IL1RAP: variants seen among roughly 807,000 people sequenced by gnomAD.
IL1RAP encodes the protein interleukin 1 receptor accessory protein.
In IL1RAP, 35 loss-of-function variants were observed where a neutral mutation model predicts 60.7. The observed-to-expected ratio is 0.58, with a 90% confidence interval of 0.44 to 0.76. The LOEUF (loss-of-function observed/expected upper bound fraction) is 0.76, where lower values mean the gene tolerates loss of function less well. IL1RAP is among the 30% of genes least tolerant of loss of function. The pLI, the probability that IL1RAP is intolerant of heterozygous loss-of-function variation, is 0.00. For synonymous variants in IL1RAP, 268 were observed against 250.9 expected (o/e 1.07, Z -0.64); for missense variants, 572 against 693.9 (o/e 0.82, Z 1.97).
At chr3:190,533,105 G>C (rs1245527959) in intron 1 of IL1RAP, among the ~76,000 whole-genome samples, 1 of 152,164 alleles carries the variant, frequency 6.6e-6, no homozygotes, top group Non-Finnish European at 1.5e-5. Flanking sequence ...TGGAACTGCT[G>C]TATTGAATGC....
intron 3 of IL1RAP, among the ~76,000 whole-genome samples, chr3:190,586,411 G>A (rs1356792594): frequency 6.6e-6 from 1 of 152,192 alleles, no homozygotes; most frequent in Non-Finnish European, 1.5e-5. Flanking sequence ...TTGTGACCCA[G>A]ACAGAAGAGG....
chr3:190,637,160 A>C (rs1237811347), intron 9 of IL1RAP, among the ~76,000 whole-genome samples: 1 of 152,172 alleles, frequency 6.6e-6, no homozygotes, highest in Non-Finnish European at 1.5e-5. Context: ...TTGGCTTTAA[A>C]TAACTGTCTT....
rs747384866 is a variant in IL1RAP, at chr3:190,623,419, ATTACAGCTATGTC to A, written c.775+6_775+18del. On this transcript the variant is annotated splice_donor_5th_base_variant and intron_variant, in intron 7 of 11. Transcript: ENST00000447382. ...GTGGTCTATGAGAAAGAACCAGGTA[ATTACAGCTATGTC>A]TCTGAATTTCACTTAGATTCTCTTA... 1 of 1,593,490 alleles carries A rather than the reference ATTACAGCTATGTC, an allele frequency of 6.3e-7. No individual in the cohort carries two copies. The highest frequency in any genetic ancestry group is 8.6e-7 in the Non-Finnish European group (1 of 1,161,370).
At chr3:190,533,888 C>T (rs1279337256) in intron 1 of IL1RAP, among the ~76,000 whole-genome samples, 3 of 152,038 alleles carry the variant, frequency 2.0e-5, no homozygotes, top group Non-Finnish European at 4.4e-5. Flanking sequence ...CTTTGAGAGC[C>T]GTTTCTTCTT....
intron 1 of IL1RAP, among the ~76,000 whole-genome samples, chr3:190,533,963 T>TC (rs1226232677): frequency 6.6e-6 from 1 of 151,950 alleles, no homozygotes; most frequent in East Asian, 1.9e-4. Context: ...TTTTTTTTTT[T>TC]CTTCTATTTT....
chr3:190,530,354 C>T (rs1365410607), intron 1 of IL1RAP, among the ~76,000 whole-genome samples: 1 of 152,042 alleles, frequency 6.6e-6, no homozygotes, highest in African/African-American at 2.4e-5. Flanking sequence ...TTAGATCTGG[C>T]TTAGAGAGGG....
In IL1RAP at chr3:190,651,328, TA is replaced by T; in HGVS notation, c.*2629del. The T allele has an allele frequency of 1.1e-6, 1 of 919,708 alleles. No individual in the cohort carries two copies. The highest frequency in any genetic ancestry group is 1.3e-6 in the Non-Finnish European group (1 of 770,026). The allele number at this position is 919,708 out of a possible 1,614,324, so 57.0% of individuals were successfully genotyped here. A position where few individuals can be genotyped will look rare whatever the true frequency, so the allele number is the denominator to read the frequency against. On this transcript the variant is annotated 3_prime_UTR_variant, in exon 12 of 12. Coordinates refer to ENST00000447382, the MANE Select transcript of IL1RAP (RefSeq NM_002182.4). ...CTTAGATGATTCCCAAGGACTCTAA[TA>T]AAAAATCACTTCATTGTATTTGGAA...
In IL1RAP at chr3:190,583,069, G is replaced by A. The variant is rs140430194; in HGVS notation, c.64+18716G>A. On this transcript the variant is annotated intron_variant, in intron 3 of 11. Transcript: ENST00000447382. ...CCTGCCCTAATCAGCGACCTCTCAG[G>A]CTAAGTAAGATCCCTGTTAATATAT... 3.6e-3 allele frequency among the ~76,000 whole-genome samples: 550 copies of A among 152,244 alleles called. 3 individuals are homozygous for A. The highest frequency in any genetic ancestry group is 0.013 in the African/African-American group (533 of 41,544).
chr3:190,571,348 CA>C (rs200098646), intron 3 of IL1RAP, among the ~76,000 whole-genome samples: 5 of 146,172 alleles, frequency 3.4e-5, no homozygotes, highest in Admixed American at 1.4e-4. Flanking sequence ...CCTGACTCCA[CA>C]AAAAAAAAAT....
intron 5 of IL1RAP, among the ~76,000 whole-genome samples, chr3:190,610,532 A>G (rs1311366320): frequency 6.6e-6 from 1 of 152,094 alleles, no homozygotes; most frequent in African/African-American, 2.4e-5. Context: ...AATGACAAAT[A>G]CAATAAGAAA....
intron 1 of IL1RAP, among the ~76,000 whole-genome samples, chr3:190,542,977 T>C (rs1438491941): frequency 1.3e-5 from 2 of 148,694 alleles, no homozygotes; most frequent in African/African-American, 2.5e-5. Flanking sequence ...AAATCAGACA[T>C]GTGAATCCAA....
intron 1 of IL1RAP, among the ~76,000 whole-genome samples, chr3:190,531,642 G>A (rs1173414989): frequency 6.6e-6 from 1 of 152,132 alleles, no homozygotes; most frequent in Non-Finnish European, 1.5e-5. Flanking sequence ...CACTTGTCTT[G>A]ACTTATGTAA....
chr3:190,626,921 C>T (rs575027847), intron 7 of IL1RAP, among the ~76,000 whole-genome samples: 25 of 152,058 alleles, frequency 1.6e-4, no homozygotes, highest in South Asian at 2.1e-4. Context: ...CCACCTGCCT[C>T]GGCCTCCCAA....
At chr3:190,561,406 A>T (rs936342308) in intron 2 of IL1RAP, among the ~76,000 whole-genome samples, 4 of 152,112 alleles carry the variant, frequency 2.6e-5, no homozygotes, top group Non-Finnish European at 5.9e-5. Context: ...ACAGGGCAGG[A>T]CTGGCCCTGG....
chr3:190,534,930 A>G (rs73886469), intron 1 of IL1RAP, among the ~76,000 whole-genome samples: 18,952 of 149,070 alleles, frequency 0.13, 1,906 homozygotes, highest in East Asian at 0.35. Context: ...AAAAAAAAAA[A>G]AAAAGAAAAC....
chr3:190,636,517 C>T (rs1243084179), intron 9 of IL1RAP, among the ~76,000 whole-genome samples: 1 of 150,308 alleles, frequency 6.7e-6, no homozygotes, highest in Non-Finnish European at 1.5e-5. Flanking sequence ...TTCCAGCTTT[C>T]TTTTTTTTTA....
chr3:190,546,910 G>T (rs537586440), intron 1 of IL1RAP, among the ~76,000 whole-genome samples: 1 of 152,128 alleles, frequency 6.6e-6, no homozygotes. Context: ...TGAGAAAATC[G>T]CCCCTTGAAA....
intron 1 of IL1RAP, among the ~76,000 whole-genome samples, chr3:190,542,121 T>C (rs1723989933): frequency 6.6e-6 from 1 of 152,174 alleles, no homozygotes. Context: ...ACTCAGGGAT[T>C]TTACTATTGT....
chr3:190,515,206 C>T (rs1450395519), intron 1 of IL1RAP, among the ~76,000 whole-genome samples: 1 of 150,266 alleles, frequency 6.7e-6, no homozygotes, highest in African/African-American at 2.5e-5. Flanking sequence ...CTTTCCGATA[C>T]TGGGTTTTTC....
Sources: gnomAD v4.1 joint callset for allele counts (sites outside exome capture counted in the v4.1 genomes callset) on GRCh38, gnomAD v4.1.1 for gene constraint, MANE v1.5 for transcripts, NCBI Gene and HGNC (gene_info 2026-07-23, HGNC 2026-07-21) for gene names.